PAM16: variants seen among roughly 807,000 people sequenced by gnomAD.
PAM16 encodes the protein mitochondrial import inner membrane translocase subunit TIM16.
A neutral mutation model predicts 17.9 loss-of-function variants in PAM16; 11 were observed. The observed-to-expected ratio is 0.62, with a 90% CI of 0.39 to 1.02. The LOEUF is 1.02. Ranked by LOEUF, PAM16 falls within the 50% of genes least tolerant of loss-of-function variation. The pLI is 0.01. For synonymous variants in PAM16, 72 were observed against 67.4 expected (o/e 1.07, Z -0.34); for missense variants, 199 against 165.4 (o/e 1.20, Z -1.11).
chr16:4,350,749 G>A (rs770925087), intron 1 of PAM16, among the ~76,000 whole-genome samples: 18 of 152,152 alleles, frequency 1.2e-4, no homozygotes, highest in Non-Finnish European at 2.1e-4. Context: ...TGTGGCGCAG[G>A]TCTGTTGACT....
At chr16:4,349,672 TAGG>T (rs1432043202) in intron 1 of PAM16, among the ~76,000 whole-genome samples, 2 of 151,774 alleles carry the variant, frequency 1.3e-5, no homozygotes, top group Admixed American at 6.6e-5. Flanking sequence ...GGGTCTAAGG[TAGG>T]AGGATGGCTT....
chr16:4,347,463 G>A (rs1263362598), intron 1 of PAM16: 1 of 152,216 alleles, frequency 6.6e-6, no homozygotes, highest in Admixed American at 6.5e-5. Context: ...TTAACTGCAA[G>A]ATGGAGAGAA....
Position 4,351,281 on chromosome 16 carries a change from G to A in PAM16, c.-47C>T. On this transcript the variant is annotated 5_prime_UTR_variant, in exon 1 of 5. Transcript: ENST00000318059. ...GCTCAAACTCCGACTTCCTGGCCCC[G>A]CGGCCGGGGATCAAGCGTGGTCGGC... is the stretch of plus-strand genomic sequence containing the variant. 2 of 1,441,082 alleles carry A rather than the reference G, an allele frequency of 1.4e-6. No homozygotes were observed. Among genetic ancestry groups the A allele is most frequent in the Non-Finnish European group, 9.2e-7 (1 of 1,085,580 alleles). The allele number at this position is 1,441,082 out of a possible 1,614,324, so 89.3% of individuals were successfully genotyped here.
At chr16:4,346,094 G>C (rs188216603) in intron 1 of PAM16, 38 of 431,474 alleles carry the variant, frequency 8.8e-5, no homozygotes, top group Non-Finnish European at 1.1e-4. Flanking sequence ...CCAAAGCGGC[G>C]TGGTGGCCTG....
intron 1 of PAM16, 55 bp from the exon 2 acceptor site, chr16:4,343,346 A>G (rs2141144812): frequency 6.4e-7 from 1 of 1,552,878 alleles, no homozygotes. Flanking sequence ...GCCCACAGAG[A>G]TGGGCCCTGG....
At chr16:4,344,602 T>C (rs117548650) in intron 1 of PAM16, among the ~76,000 whole-genome samples, 47 of 13,602 alleles carry the variant, frequency 3.5e-3, no homozygotes, top group South Asian at 4.7e-3. Context: ...GAGGAGGGGA[T>C]TGTGTGAGGG....
rs911629315 is a variant in PAM16, at chr16:4,343,891, GGA to G, written c.4-602_4-601del. On this transcript the variant is annotated intron_variant, in intron 1 of 4. Transcript: ENST00000318059. ...AACACACTATGGACCAAATCATGAGGGAGAGTCAGGCTCGTTCATTTGTGCAG... is the reference window on the plus strand; with the variant it reads ...AACACACTATGGACCAAATCATGAGGGAGTCAGGCTCGTTCATTTGTGCAG... The G allele has an allele frequency of 3.5e-5, 14 of 397,824 alleles. No homozygotes were observed. In the East Asian group the frequency reaches 5.0e-4, roughly 14 times the overall value. 24.6% of individuals were successfully genotyped at this position (397,824 alleles called of 1,614,324 possible). A position where few individuals can be genotyped will look rare whatever the true frequency, so the allele number is the denominator to read the frequency against.
intron 1 of PAM16, among the ~76,000 whole-genome samples, chr16:4,350,295 T>C (rs888178115): frequency 6.7e-6 from 1 of 149,908 alleles, no homozygotes; most frequent in Non-Finnish European, 1.5e-5. Context: ...ATGTATATAT[T>C]ATGTGTGTGT....
chr16:4,348,153 G>T (rs1204205557), intron 1 of PAM16: 1 of 152,272 alleles, frequency 6.6e-6, no homozygotes, highest in Non-Finnish European at 1.5e-5. Flanking sequence ...AGAAAGGTCA[G>T]GACCACAACT....
At chr16:4,349,717 G>C (rs558632483) in intron 1 of PAM16, among the ~76,000 whole-genome samples, 45 of 152,204 alleles carry the variant, frequency 3.0e-4, no homozygotes, top group African/African-American at 1.0e-3. Flanking sequence ...CAGTGAGCTA[G>C]GATCGCTCCA....
intron 1 of PAM16, chr16:4,344,214 CGTTCCGTGAGAGGAGGGG>C (rs1283440495): frequency 7.0e-4 from 50 of 71,678 alleles, no homozygotes; most frequent in African/African-American, 4.8e-3. Context: ...GAGAGGAGGG[CGTTCCGTGAGAGGAGGGG>C]GTTCCGTGAG....
chr16:4,341,489 G>C lies in PAM16; in HGVS notation c.104C>G (p.Ala35Gly). 6.2e-7 allele frequency: 1 copy of C among 1,609,384 alleles called. No individual in the cohort carries two copies. Among genetic ancestry groups the C allele is most frequent in the Non-Finnish European group, 8.5e-7 (1 of 1,179,052 alleles). Reference protein sequence around the residue: ...RQEFAASRAAADARGRAGHRS... With the variant: ...RQEFAASRAAGDARGRAGHRS... ...GTGTCCAGCGCGTCCTCGGGCATCA[G>C]CTGCGGCCCGGCTGGCTGTGTGGAC... The change falls in exon 3 of 5, where the codon GCT (alanine) becomes GGT (glycine). Residue 35 changes from alanine to glycine, a missense_variant. Coordinates refer to ENST00000318059, the MANE Select transcript of PAM16 (RefSeq NM_016069.11).
At chr16:4,341,981 T>C (rs1260102011) in intron 2 of PAM16, among the ~76,000 whole-genome samples, 3 of 152,186 alleles carry the variant, frequency 2.0e-5, no homozygotes, top group African/African-American at 7.2e-5. Flanking sequence ...AAACTTTTCC[T>C]AAAGGCTCAG....
intron 1 of PAM16, chr16:4,344,007 C>A (rs2141145892): frequency 7.5e-6 from 3 of 398,108 alleles, no homozygotes; most frequent in South Asian, 1.3e-4. Context: ...CTGGTCCCTG[C>A]CCCGAGTCAG....
At chr16:4,349,073 A>G (rs1472590422) in intron 1 of PAM16, among the ~76,000 whole-genome samples, 1 of 149,706 alleles carries the variant, frequency 6.7e-6, no homozygotes, top group Non-Finnish European at 1.5e-5. Flanking sequence ...CTCCTGCCTC[A>G]GCCTCCTGAG....
intron 4 of PAM16, among the ~76,000 whole-genome samples, chr16:4,340,650 G>A (rs1378227021): frequency 6.6e-6 from 1 of 152,098 alleles, no homozygotes; most frequent in African/African-American, 2.4e-5. Flanking sequence ...CACCCACGGG[G>A]GCTCCTGCTC....
chr16:4,348,831 AT>A (rs34063889), intron 1 of PAM16, among the ~76,000 whole-genome samples: 1 of 150,024 alleles, frequency 6.7e-6, no homozygotes, highest in African/African-American at 2.5e-5. Context: ...AATTTTTTGT[AT>A]TTTTAGTACA....
rs763454455 is a variant in PAM16 at position 4,350,310 on chromosome 16, G to GTATA, written c.3+918_3+921dup. Among the ~76,000 whole-genome samples, 10 of 147,822 alleles carry GTATA rather than the reference G, an allele frequency of 6.8e-5. No homozygotes were observed. The South Asian group carries it at 2.1e-3, about 31-fold the overall frequency. Reference sequence around the variant, plus strand: ...ATGTATATATTATGTGTGTGTGTGTGTATATATATATATAAAATACATGAT... The same window carrying GTATA: ...ATGTATATATTATGTGTGTGTGTGTGTATATATATATATATATAAAATACATGAT... On this transcript the variant is annotated intron_variant, in intron 1 of 4. Coordinates refer to ENST00000318059, the MANE Select transcript of PAM16 (RefSeq NM_016069.11).
intron 1 of PAM16, among the ~76,000 whole-genome samples, chr16:4,350,004 T>C (rs921296388): frequency 2.0e-5 from 3 of 152,146 alleles, no homozygotes; most frequent in Non-Finnish European, 4.4e-5. Flanking sequence ...ATTATCCTTA[T>C]TACTATGTTA....
Sources: gnomAD v4.1 joint callset for allele counts (sites outside exome capture counted in the v4.1 genomes callset) on GRCh38, gnomAD v4.1.1 for gene constraint, MANE v1.5 for transcripts, NCBI Gene and HGNC (gene_info 2026-07-23, HGNC 2026-07-21) for gene names.